The following ZNF609 variants were observed in gnomAD, a reference collection of about 807,000 sequenced individuals.
ZNF609 encodes zinc finger protein 609.
Under a neutral mutation model 109.5 loss-of-function variants are expected in ZNF609, and 11 were observed. That is an observed-to-expected ratio of 0.10 (90% CI 0.06 to 0.17). The LOEUF is 0.17. ZNF609 is among the 10% of genes least tolerant of loss of function. The pLI is 1.00. For synonymous variants in ZNF609, 646 were observed against 662.0 expected (o/e 0.98, Z 0.37); for missense variants, 1,559 against 1,772.4 (o/e 0.88, Z 2.16).
chr15:64,592,358 C>T (rs1356306783), intron 2 of ZNF609, among the ~76,000 whole-genome samples: 1 of 152,080 alleles, frequency 6.6e-6, no homozygotes, highest in African/African-American at 2.4e-5. Context: ...AGTTGGATCA[C>T]TTGGGGCCAG....
intron 2 of ZNF609, among the ~76,000 whole-genome samples, chr15:64,546,825 C>T (rs572822524): frequency 7.6e-5 from 11 of 144,410 alleles, no homozygotes; most frequent in African/African-American, 2.9e-4. Flanking sequence ...GAGTCTCGCC[C>T]TGTCGCCCAG....
chr15:64,572,347 G>A (rs796480197), intron 2 of ZNF609, among the ~76,000 whole-genome samples: 1 of 152,118 alleles, frequency 6.6e-6, no homozygotes, highest in Non-Finnish European at 1.5e-5. Context: ...AAATAAATTC[G>A]CTGGGCATGG....
intron 2 of ZNF609, among the ~76,000 whole-genome samples, chr15:64,549,109 A>C (rs1245632665): frequency 1.3e-5 from 2 of 152,164 alleles, no homozygotes; most frequent in East Asian, 3.8e-4. Flanking sequence ...AAAATGGTGA[A>C]TCTAATAATA....
intron 2 of ZNF609, chr15:64,529,473 C>T: frequency 4.8e-6 from 5 of 1,038,408 alleles, no homozygotes; most frequent in East Asian, 2.5e-5. Context: ...TGATGACAAG[C>T]GTCCCGTTCT....
At chr15:64,621,411 G>A (rs1595741956) in intron 2 of ZNF609, among the ~76,000 whole-genome samples, 1 of 151,540 alleles carries the variant, frequency 6.6e-6, no homozygotes, top group East Asian at 1.9e-4. Context: ...GTACAGTGGT[G>A]CAATCATAGC....
intron 2 of ZNF609, among the ~76,000 whole-genome samples, chr15:64,540,768 G>A (rs554927613): frequency 1.3e-5 from 2 of 150,576 alleles, no homozygotes; most frequent in African/African-American, 2.4e-5. Context: ...GGTGGCTCAC[G>A]CCTGTAATCC....
At chr15:64,672,828 G>A (rs1000169671) in intron 4 of ZNF609, among the ~76,000 whole-genome samples, 1 of 150,426 alleles carries the variant, frequency 6.6e-6, no homozygotes, top group Non-Finnish European at 1.5e-5. Context: ...GCTGGGCGTG[G>A]TGGCTCATGC....
intron 1 of ZNF609, among the ~76,000 whole-genome samples, chr15:64,476,428 A>T (rs1174914305): frequency 6.6e-6 from 1 of 152,120 alleles, no homozygotes; most frequent in African/African-American, 2.4e-5. Flanking sequence ...AGTGGAAAAG[A>T]GGGTTAGGTA....
chr15:64,674,502 G>C lies in ZNF609; in HGVS notation c.1648G>C (p.Gly550Arg), dbSNP rs200080636. The C allele has an allele frequency of 6.2e-7, 1 of 1,614,020 alleles. No homozygotes were observed. The highest frequency in any genetic ancestry group is 2.2e-5 in the East Asian group (1 of 44,892). The change falls in exon 5 of 10, where the codon GGT becomes CGT. Residue 550 changes from glycine to arginine, a missense_variant. Physicochemically the swap from Gly to Arg is moderately radical, Grantham distance 125 (BLOSUM62 -2). Transcript: ENST00000326648. Reference protein sequence around the residue: ...ILHADLGSCNGASVSQKGSLS... With the variant: ...ILHADLGSCNRASVSQKGSLS... Reference sequence around the variant, plus strand: ...CCATGCAGATCTTGGGAGCTGCAACGGTGCATCTGTCTCACAAAAAGGTTC... The same window carrying C: ...CCATGCAGATCTTGGGAGCTGCAACCGTGCATCTGTCTCACAAAAAGGTTC...
intron 2 of ZNF609, among the ~76,000 whole-genome samples, chr15:64,503,325 C>T (rs989789043): frequency 6.6e-5 from 10 of 152,132 alleles, no homozygotes. Context: ...ATACTTCCTG[C>T]CAGCTGAAGA....
At chr15:64,534,819 G>A (rs1894115388) in intron 2 of ZNF609, among the ~76,000 whole-genome samples, 1 of 152,052 alleles carries the variant, frequency 6.6e-6, no homozygotes. Context: ...GATGACTTGA[G>A]GTCATGAGAT....
chr15:64,681,215 A>ATTTTTTTTTTT, intron 8 of ZNF609, 94 bp from the exon 9 acceptor site: 1 of 1,091,296 alleles, frequency 9.2e-7, no homozygotes, highest in Non-Finnish European at 1.4e-6. Flanking sequence ...TGAGTATCAG[A>ATTTTTTTTTTT]TTTTTTTTTC....
chr15:64,474,413 A>G (rs1893136656), intron 1 of ZNF609, among the ~76,000 whole-genome samples: 1 of 150,568 alleles, frequency 6.6e-6, no homozygotes, highest in East Asian at 2.0e-4. Context: ...GGGTTTCTCC[A>G]TGTTGTTCAT....
chr15:64,681,638 G>GT lies in ZNF609; in HGVS notation c.*6-47dup, dbSNP rs34414202. The GT allele has an allele frequency of 4.9e-4, 188 of 382,500 alleles. 1 individual carries two copies. Among genetic ancestry groups the GT allele is most frequent in the African/African-American group, 3.3e-3 (163 of 49,712 alleles). 23.7% of individuals were successfully genotyped at this position (382,500 alleles called of 1,614,324 possible). A position where few individuals can be genotyped will look rare whatever the true frequency, so the allele number is the denominator to read the frequency against. On this transcript the variant is annotated intron_variant, in intron 9 of 9. Coordinates refer to ENST00000326648, the MANE Select transcript of ZNF609 (RefSeq NM_015042.2). ...CATTTTCTTGGAGTGCCACCTTGTG[G>GT]TTTTTTTACCAACAGGCTGAGTGCC...
intron 2 of ZNF609, among the ~76,000 whole-genome samples, chr15:64,564,567 G>C (rs1452945442): frequency 6.6e-6 from 1 of 152,066 alleles, no homozygotes; most frequent in African/African-American, 2.4e-5. Flanking sequence ...CAGGCATAAA[G>C]ATATCCATCC....
intron 1 of ZNF609, among the ~76,000 whole-genome samples, chr15:64,495,187 C>G (rs1218587328): frequency 6.6e-6 from 1 of 152,130 alleles, no homozygotes; most frequent in East Asian, 1.9e-4. Flanking sequence ...AGCTTTATAA[C>G]TTACGGTTTG....
intron 2 of ZNF609, among the ~76,000 whole-genome samples, chr15:64,523,311 A>G (rs947760882): frequency 1.3e-5 from 2 of 152,168 alleles, no homozygotes; most frequent in East Asian, 3.8e-4. Flanking sequence ...AACTGGAGAG[A>G]AACAGCTTCC....
intron 3 of ZNF609, among the ~76,000 whole-genome samples, chr15:64,669,856 C>T (rs564205624): frequency 6.6e-6 from 1 of 152,158 alleles, no homozygotes; most frequent in Admixed American, 6.5e-5. Flanking sequence ...TTAGTAGAGA[C>T]AGGTTTTCCC....
chr15:64,652,335 T>TTA (rs200397715), intron 3 of ZNF609, among the ~76,000 whole-genome samples: 1 of 149,130 alleles, frequency 6.7e-6, no homozygotes, highest in African/African-American at 2.5e-5. Context: ...TATTTTTATT[T>TTA]TATATATATA....
Sources: allele counts gnomAD v4.1 joint callset (sites outside exome capture counted in the v4.1 genomes callset), GRCh38; gene constraint gnomAD v4.1.1; transcripts MANE v1.5; gene names NCBI Gene and HGNC (gene_info 2026-07-23, HGNC 2026-07-21).